RUNX2: variants seen among roughly 807,000 people sequenced by gnomAD.
RUNX2 encodes RUNX family transcription factor 2, also known as runt-related transcription factor 2.
In RUNX2, 10 loss-of-function variants were observed where a neutral mutation model predicts 51.7. The ratio of observed to expected loss-of-function variants is 0.19; its 90% CI spans 0.12 to 0.33. The LOEUF (loss-of-function observed/expected upper bound fraction) is 0.33. Among genes scored for constraint, RUNX2 ranks in the 10% least tolerant of loss-of-function variants. The pLI, the probability that RUNX2 is intolerant of heterozygous loss-of-function variation, is 1.00. For synonymous variants in RUNX2, 276 were observed against 273.6 expected (o/e 1.01, Z -0.09); for missense variants, 562 against 691.3 (o/e 0.81, Z 2.10).
intron 5 of RUNX2, among the ~76,000 whole-genome samples, chr6:45,443,997 T>G (rs1042749856): frequency 2.6e-5 from 4 of 152,122 alleles, no homozygotes; most frequent in African/African-American, 9.7e-5. Context: ...ATTACAGGTG[T>G]GTACCACCAT....
At position 45,481,182 on chromosome 6, in the gene RUNX2, G is replaced by C. The variant is rs188498440; in HGVS notation, c.686-10759G>C. ...TAATGAAAGAGAAATAGAAAGGATCGCATGCTAAGGAAATTGAGCCAGGAT... is the reference window on the plus strand; with the variant it reads ...TAATGAAAGAGAAATAGAAAGGATCCCATGCTAAGGAAATTGAGCCAGGAT... On this transcript the variant is annotated intron_variant, in intron 5 of 8. Transcript: ENST00000647337. 5.3e-5 allele frequency among the ~76,000 whole-genome samples: 8 copies of C among 152,256 alleles called. No individual in the cohort carries two copies. In the East Asian group the frequency reaches 7.7e-4, roughly 15 times the overall value.
intron 7 of RUNX2, among the ~76,000 whole-genome samples, chr6:45,534,658 C>T (rs902146586): frequency 1.3e-5 from 2 of 152,106 alleles, no homozygotes; most frequent in African/African-American, 4.8e-5. Context: ...TAACCTGAAC[C>T]CTCTCAGGTA....
At chr6:45,402,894 C>G (rs1350147321) in intron 2 of RUNX2, among the ~76,000 whole-genome samples, 1 of 152,082 alleles carries the variant, frequency 6.6e-6, no homozygotes, top group African/African-American at 2.4e-5. Context: ...CTCCCCTATC[C>G]CGCAAACAAA....
At chr6:45,346,513 T>C (rs1465498567) in intron 2 of RUNX2, among the ~76,000 whole-genome samples, 1 of 151,998 alleles carries the variant, frequency 6.6e-6, no homozygotes, top group Non-Finnish European at 1.5e-5. Context: ...CTTACTTTCT[T>C]TTCACATCAT....
intron 7 of RUNX2, among the ~76,000 whole-genome samples, chr6:45,531,780 T>C (rs975786001): frequency 3.3e-5 from 5 of 151,906 alleles, no homozygotes; most frequent in African/African-American, 7.3e-5. Context: ...AAATATATGG[T>C]TTTATATGTG....
In RUNX2 at chr6:45,432,935, C is replaced by T. The variant is rs537699709; in HGVS notation, c.580+916C>T. The stretch of plus-strand genomic sequence containing the variant: ...ACTTTAGAACTGAGGTGAAATAAAG[C>T]CTTATGGAATCATTGCAACCCAGGT... On this transcript the variant is annotated intron_variant, in intron 4 of 8. Transcript: ENST00000647337. 3.9e-5 allele frequency among the ~76,000 whole-genome samples: 6 copies of T among 152,142 alleles called. No homozygotes were observed. The South Asian group carries it at 1.2e-3, about 32-fold the overall frequency.
At chr6:45,474,158 C>CT (rs11296077) in intron 5 of RUNX2, among the ~76,000 whole-genome samples, 93 of 143,326 alleles carry the variant, frequency 6.5e-4, no homozygotes, top group South Asian at 1.8e-3. Flanking sequence ...TTTCTGTTTT[C>CT]TTTTTTTTTT....
At chr6:45,348,456 C>T (rs1045600230) in intron 2 of RUNX2, among the ~76,000 whole-genome samples, 11 of 143,662 alleles carry the variant, frequency 7.7e-5, no homozygotes, top group Non-Finnish European at 1.3e-4. Flanking sequence ...CACTTGAGGT[C>T]TAGAGTTCCA....
At chr6:45,543,202 T>G (rs1802285302) in intron 7 of RUNX2, among the ~76,000 whole-genome samples, 1 of 152,212 alleles carries the variant, frequency 6.6e-6, no homozygotes, top group Non-Finnish European at 1.5e-5. Flanking sequence ...GATGATTATC[T>G]TGGGCTTCTA....
At chr6:45,366,948 T>C (rs1000703702) in intron 2 of RUNX2, among the ~76,000 whole-genome samples, 4 of 152,190 alleles carry the variant, frequency 2.6e-5, no homozygotes, top group Non-Finnish European at 4.4e-5. Context: ...TAATATATCT[T>C]TCTAATCTAA....
At chr6:45,420,716 G>C (rs981858381) in intron 2 of RUNX2, among the ~76,000 whole-genome samples, 1 of 152,300 alleles carries the variant, frequency 6.6e-6, no homozygotes, top group East Asian at 1.9e-4. Flanking sequence ...ACAACGCCGA[G>C]GGTAAAACGG....
intron 2 of RUNX2, among the ~76,000 whole-genome samples, chr6:45,381,015 T>C (rs1168409137): frequency 6.6e-6 from 1 of 152,240 alleles, no homozygotes; most frequent in Admixed American, 6.5e-5. Flanking sequence ...TATTTCATCC[T>C]TTGCTATATT....
chr6:45,508,305 C>T (rs762779969), intron 6 of RUNX2, among the ~76,000 whole-genome samples: 23 of 149,508 alleles, frequency 1.5e-4, no homozygotes, highest in South Asian at 4.3e-4. Flanking sequence ...CTCGGCTCAC[C>T]GCAACCTCCG....
chr6:45,331,971 C>T lies in RUNX2; in HGVS notation c.58+3187C>T, dbSNP rs914505684. 3.3e-5 allele frequency among the ~76,000 whole-genome samples: 5 copies of T among 151,768 alleles called. No individual in the cohort carries two copies. In the East Asian group the frequency reaches 7.7e-4, roughly 23 times the overall value. On this transcript the variant is annotated intron_variant, in intron 2 of 8. Transcript: ENST00000647337. ...TTGATGGTTAAATAAACTGCAGGGG[C>T]GGGGGGAGCTAACTCATTGAAGGCA...
At chr6:45,333,154 T>G (rs576705913) in intron 2 of RUNX2, among the ~76,000 whole-genome samples, 78 of 151,856 alleles carry the variant, frequency 5.1e-4, no homozygotes, top group African/African-American at 1.8e-3. Flanking sequence ...ATAATGAAAT[T>G]TTATGCCTTA....
chr6:45,451,493 G>A (rs754859767), intron 5 of RUNX2, among the ~76,000 whole-genome samples: 156 of 152,338 alleles, frequency 1.0e-3, no homozygotes, highest in Non-Finnish European at 1.9e-3. Context: ...AATGTTTAGC[G>A]AAGAGCATTG....
At chr6:45,531,626 A>C (rs1345010612) in intron 7 of RUNX2, among the ~76,000 whole-genome samples, 1 of 151,904 alleles carries the variant, frequency 6.6e-6, no homozygotes, top group Non-Finnish European at 1.5e-5. Context: ...GGTGGTGCGC[A>C]CCTGTAGTCC....
In RUNX2 at chr6:45,416,345, G is replaced by C. The variant is rs540601221; in HGVS notation, c.59-6248G>C. Among the ~76,000 whole-genome samples, 9 of 152,282 alleles carry C rather than the reference G, an allele frequency of 5.9e-5. No homozygotes were observed. The East Asian group carries it at 9.6e-4, about 16-fold the overall frequency. ...ATTTACATTTTTCACTTTGATGGCA[G>C]GGTGTAGGGAGGGGACAAATAATTG... is the stretch of plus-strand genomic sequence containing the variant. On this transcript the variant is annotated intron_variant, in intron 2 of 8. Transcript: ENST00000647337.
At chr6:45,426,722 TC>T (rs1462490381) in intron 3 of RUNX2, among the ~76,000 whole-genome samples, 2 of 152,220 alleles carry the variant, frequency 1.3e-5, no homozygotes, top group Non-Finnish European at 2.9e-5. Flanking sequence ...AAGCTAGCAC[TC>T]ATAGTTAATT....
Sources: allele counts gnomAD v4.1 joint callset (sites outside exome capture counted in the v4.1 genomes callset), GRCh38; gene constraint gnomAD v4.1.1; transcripts MANE v1.5; gene names NCBI Gene and HGNC (gene_info 2026-07-23, HGNC 2026-07-21).